MAP2K5: variants seen among roughly 807,000 people sequenced by gnomAD.
MAP2K5 encodes the protein dual specificity mitogen-activated protein kinase kinase 5.
In MAP2K5, 49 loss-of-function variants were observed where a neutral mutation model predicts 83.1. The observed-to-expected ratio is 0.59, with a 90% confidence interval of 0.47 to 0.75. The LOEUF (loss-of-function observed/expected upper bound fraction) is 0.75. MAP2K5 is among the 30% of genes least tolerant of loss of function. The pLI, the probability that MAP2K5 is intolerant of heterozygous loss-of-function variation, is 0.00. For missense variants in MAP2K5, 457 were observed against 557.5 expected (o/e 0.82, Z 1.82); for synonymous variants, 202 against 191.8 (o/e 1.05, Z -0.44).
rs767851172 is a variant in MAP2K5, at chr15:67,785,362, A to G, written c.1242+12610A>G. ...TTTTTGGAGCAAAACGTTGTGAGCG[A>G]AGAAAGCTGTTTGCGGTTCACATTG... is the stretch of plus-strand genomic sequence containing the variant. On this transcript the variant is annotated intron_variant, in intron 21 of 21. Transcript: ENST00000178640. The surrounding 1 kb of genome is among the most constrained non-coding windows in gnomAD (Gnocchi z 4.4). Among the ~76,000 whole-genome samples, 30 of 152,186 alleles carry G rather than the reference A, an allele frequency of 2.0e-4. No homozygotes were observed. Among genetic ancestry groups the G allele is most frequent in the Non-Finnish European group, 3.5e-4 (24 of 68,034 alleles).
intron 16 of MAP2K5, among the ~76,000 whole-genome samples, chr15:67,704,477 T>C (rs935033655): frequency 2.6e-5 from 4 of 152,242 alleles, no homozygotes; most frequent in Non-Finnish European, 5.9e-5. Context: ...CCTTTTTTTT[T>C]AGTCAAATAC....
At position 67,769,615 on chromosome 15, in the gene MAP2K5, T is replaced by C. The variant is rs2090103692; in HGVS notation, c.1148T>C (p.Leu383Pro). The change falls in exon 20 of 22, where the codon CTT (leucine) becomes CCT (proline). Residue 383 changes from leucine (L) to proline (P), a missense_variant. Coordinates refer to ENST00000178640, the MANE Select transcript of MAP2K5 (RefSeq NM_145160.3). The surrounding 1 kb of genome is among the most constrained non-coding windows in gnomAD (Gnocchi z 5.2). ...QCIVDEDSPV[L>P]PVGEFSEPFV... ...CCTCCATCACAGGATTCGCCCGTCC[T>C]TCCAGTTGGAGAGTTCTCGGAGCCA... 2 of 1,613,706 alleles carry C rather than the reference T, an allele frequency of 1.2e-6. No homozygotes were observed. The highest frequency in any genetic ancestry group is 1.7e-6 in the Non-Finnish European group (2 of 1,179,788).
chr15:67,800,219 G>A (rs747251276), intron 21 of MAP2K5, among the ~76,000 whole-genome samples: 58 of 152,166 alleles, frequency 3.8e-4, no homozygotes, highest in Non-Finnish European at 6.6e-4. Context: ...AGTTTTCTCC[G>A]GGGATTAGAT....
At position 67,722,731 on chromosome 15, in the gene MAP2K5, T is replaced by G. The variant is rs576233876; in HGVS notation, c.1045-5185T>G. Among the ~76,000 whole-genome samples, 1 of 152,332 alleles carries G rather than the reference T, an allele frequency of 6.6e-6. No individual in the cohort carries two copies. Among genetic ancestry groups the G allele is most frequent in the East Asian group, 1.9e-4 (1 of 5,190 alleles). ...AGTCTGATTTTTTAAAGTTTCCCTGTGTCTGAGTGTTCCAAAGTGGCTGCT... is the reference window on the plus strand; with the variant it reads ...AGTCTGATTTTTTAAAGTTTCCCTGGGTCTGAGTGTTCCAAAGTGGCTGCT... On this transcript the variant is annotated intron_variant, in intron 16 of 21. Transcript: ENST00000178640. This position sits in a 1 kb window ranked among gnomAD's most constrained non-coding sequence, Gnocchi z 4.2.
chr15:67,753,712 C>G (rs1016991638), intron 19 of MAP2K5, among the ~76,000 whole-genome samples: 1 of 151,658 alleles, frequency 6.6e-6, no homozygotes, highest in Non-Finnish European at 1.5e-5. Context: ...CAATTGGTGA[C>G]AAGAATGTGG....
intron 4 of MAP2K5, among the ~76,000 whole-genome samples, chr15:67,582,165 G>C (rs58737858): frequency 0.15 from 21,971 of 149,680 alleles, 2,049 homozygotes; most frequent in African/African-American, 0.26. Context: ...TGGTTCAAGT[G>C]ATTCTCCTGC....
chr15:67,654,036 G>A (rs549384793), intron 11 of MAP2K5, among the ~76,000 whole-genome samples: 7 of 152,196 alleles, frequency 4.6e-5, no homozygotes, highest in African/African-American at 1.7e-4. Context: ...TCCTTTACAT[G>A]TCAGTTAATT....
intron 8 of MAP2K5, among the ~76,000 whole-genome samples, chr15:67,611,034 G>A (rs2085910555): frequency 6.6e-6 from 1 of 152,156 alleles, no homozygotes; most frequent in African/African-American, 2.4e-5. Context: ...ATTTTAACAA[G>A]CTTAATGTAT....
rs535166597 is a variant in MAP2K5, at chr15:67,605,458, C to T, written c.545+4709C>T. Among the ~76,000 whole-genome samples, 7 of 152,220 alleles carry T rather than the reference C, an allele frequency of 4.6e-5. No individual in the cohort carries two copies. In the South Asian group the frequency reaches 1.5e-3, roughly 32 times the overall value. On this transcript the variant is annotated intron_variant, in intron 8 of 21. Coordinates refer to ENST00000178640, the MANE Select transcript of MAP2K5 (RefSeq NM_145160.3). Reference sequence around the variant, plus strand: ...TATACACATTATACTTCTGTATTTTCTTCTATTCTGTAGTTGCTTAATGAA... The same window carrying T: ...TATACACATTATACTTCTGTATTTTTTTCTATTCTGTAGTTGCTTAATGAA...
chr15:67,752,247 A>T (rs890361066), intron 19 of MAP2K5, among the ~76,000 whole-genome samples: 1 of 151,814 alleles, frequency 6.6e-6, no homozygotes, highest in East Asian at 2.0e-4. Flanking sequence ...TTGTATTATT[A>T]GTAGAGACAG....
intron 13 of MAP2K5, among the ~76,000 whole-genome samples, chr15:67,674,283 C>A (rs2087624484): frequency 6.6e-6 from 1 of 152,078 alleles, no homozygotes; most frequent in South Asian, 2.1e-4. Context: ...TCCCTGAGCT[C>A]TCAGGCTGTT....
intron 3 of MAP2K5, among the ~76,000 whole-genome samples, chr15:67,567,434 G>A (rs868444893): frequency 3.4e-5 from 5 of 147,118 alleles, no homozygotes; most frequent in Middle Eastern, 3.3e-3. Context: ...GCGCAATCTC[G>A]GCTCACTGCA....
intron 21 of MAP2K5, among the ~76,000 whole-genome samples, chr15:67,806,027 C>G (rs578086802): frequency 1.3e-5 from 2 of 152,154 alleles, no homozygotes; most frequent in Non-Finnish European, 2.9e-5. Flanking sequence ...GGCAACAGGG[C>G]CGGCCCCTCC....
At chr15:67,598,980 C>A (rs909242878) in intron 7 of MAP2K5, among the ~76,000 whole-genome samples, 3 of 152,150 alleles carry the variant, frequency 2.0e-5, no homozygotes, top group African/African-American at 7.2e-5. Flanking sequence ...GGAATTAGCC[C>A]CAGTGGCCTA....
chr15:67,669,522 CTG>C lies in MAP2K5; in HGVS notation c.847+4879_847+4880del, dbSNP rs1235729293. On this transcript the variant is annotated intron_variant, in intron 13 of 21. Coordinates refer to ENST00000178640, the MANE Select transcript of MAP2K5 (RefSeq NM_145160.3). ...TGGAACAGCAAAGAGGCCAGTGTGTCTGTATCTGAGTGTGGGAGACAAGAGTA... is the reference window on the plus strand; with the variant it reads ...TGGAACAGCAAAGAGGCCAGTGTGTCTATCTGAGTGTGGGAGACAAGAGTA... 4.6e-5 allele frequency among the ~76,000 whole-genome samples: 7 copies of C among 152,152 alleles called. No individual in the cohort carries two copies. In the South Asian group the frequency reaches 1.5e-3, roughly 32 times the overall value.
chr15:67,733,876 T>C (rs1272763578), intron 17 of MAP2K5, among the ~76,000 whole-genome samples: 2 of 152,220 alleles, frequency 1.3e-5, no homozygotes, highest in Non-Finnish European at 2.9e-5. Context: ...CCAAGATACT[T>C]CTGTCATCCT....
intron 7 of MAP2K5, among the ~76,000 whole-genome samples, chr15:67,596,286 G>A (rs1239164848): frequency 6.6e-6 from 1 of 152,064 alleles, no homozygotes; most frequent in Non-Finnish European, 1.5e-5. Context: ...GCTGGGTGTG[G>A]CGGCCCATGC....
At chr15:67,659,055 G>A (rs1354406634) in intron 12 of MAP2K5, 1 of 235,742 alleles carries the variant, frequency 4.2e-6, no homozygotes, top group Non-Finnish European at 8.5e-6. Flanking sequence ...GTCTTTTTAT[G>A]TTCTTGGTTT....
intron 8 of MAP2K5, among the ~76,000 whole-genome samples, chr15:67,617,593 T>C (rs759585470): frequency 6.6e-6 from 1 of 152,230 alleles, no homozygotes; most frequent in African/African-American, 2.4e-5. Flanking sequence ...GGCATAAATT[T>C]GTGTGGGAGT....
Sources: gnomAD v4.1 joint callset for allele counts (sites outside exome capture counted in the v4.1 genomes callset) on GRCh38, gnomAD v4.1.1 for gene constraint, Gnocchi (gnomAD v3.1) non-coding constraint, MANE v1.5 for transcripts, NCBI Gene and HGNC (gene_info 2026-07-23, HGNC 2026-07-21) for gene names.